Variants in ABI1 observed in about 807,000 individuals in gnomAD.
ABI1 encodes the protein abl interactor 1, also known as Abelson interactor 1.
In ABI1, 14 loss-of-function variants were observed where a neutral mutation model predicts 54.6. The ratio of observed to expected loss-of-function variants is 0.26; its 90% CI spans 0.17 to 0.40. The LOEUF is 0.40. Ranked by LOEUF, ABI1 falls within the 10% of genes least tolerant of loss-of-function variation. The pLI, the probability that ABI1 is intolerant of heterozygous loss-of-function variation, is 1.00. For synonymous variants in ABI1, 194 were observed against 209.3 expected, an observed-to-expected ratio of 0.93 and a Z score of 0.63; for missense variants, 443 against 598.3, an observed-to-expected ratio of 0.74 and a Z score of 2.71.
intron 1 of ABI1, among the ~76,000 whole-genome samples, chr10:26,832,283 T>TA (rs1168345135): frequency 1.3e-5 from 2 of 152,110 alleles, no homozygotes; most frequent in Admixed American, 6.6e-5. Flanking sequence ...AACGGCCTTT[T>TA]AAAAAATAAA....
chr10:26,842,676 T>G (rs1010298365), intron 1 of ABI1, among the ~76,000 whole-genome samples: 1 of 152,132 alleles, frequency 6.6e-6, no homozygotes, highest in African/African-American at 2.4e-5. Flanking sequence ...AATACAAAAA[T>G]CAGGGTTTTA....
At chr10:26,779,981 A>G (rs1841898290) in intron 2 of ABI1, among the ~76,000 whole-genome samples, 1 of 152,218 alleles carries the variant, frequency 6.6e-6, no homozygotes. Flanking sequence ...CTGCAGCCTT[A>G]GAAAACTCCA....
At chr10:26,849,746 T>C (rs569850240) in intron 1 of ABI1, among the ~76,000 whole-genome samples, 48 of 150,546 alleles carry the variant, frequency 3.2e-4, no homozygotes, top group African/African-American at 1.1e-3. Flanking sequence ...AATCCATCAA[T>C]GTGAACTTGC....
intron 1 of ABI1, among the ~76,000 whole-genome samples, chr10:26,846,735 C>G (rs145450417): frequency 2.0e-5 from 3 of 152,282 alleles, no homozygotes; most frequent in Non-Finnish European, 4.4e-5. Context: ...TCACAGATGA[C>G]TCTGTTTACT....
intron 2 of ABI1, among the ~76,000 whole-genome samples, chr10:26,782,370 A>AC (rs111372753): frequency 3.3e-5 from 5 of 149,772 alleles, no homozygotes; most frequent in Admixed American, 6.6e-5. Flanking sequence ...AACAACAACA[A>AC]AAAAAAAAAC....
intron 1 of ABI1, among the ~76,000 whole-genome samples, chr10:26,831,211 C>G (rs1415405470): frequency 6.6e-6 from 1 of 151,902 alleles, no homozygotes; most frequent in Non-Finnish European, 1.5e-5. Flanking sequence ...CTAATCCAAA[C>G]CTATACCCAA....
chr10:26,807,398 C>T (rs2046945247), intron 2 of ABI1, among the ~76,000 whole-genome samples: 1 of 152,042 alleles, frequency 6.6e-6, no homozygotes, highest in Non-Finnish European at 1.5e-5. Context: ...GGAGGCTTCA[C>T]CTGAGCCTAG....
rs776627510 is a variant in ABI1 at position 26,819,602 on chromosome 10, C to A, written c.285+3536G>T. 5.9e-5 allele frequency among the ~76,000 whole-genome samples: 9 copies of A among 152,142 alleles called. No individual in the cohort carries two copies. In the South Asian group the frequency reaches 6.2e-4, roughly 10 times the overall value. The stretch of plus-strand genomic sequence containing the variant: ...TTAATGAGATTTATAGACATTCCAC[C>A]TGACCAGAGAAAAATACACATTCTT... On this transcript the variant is annotated intron_variant, in intron 2 of 10. Transcript: ENST00000376140.
intron 8 of ABI1, among the ~76,000 whole-genome samples, chr10:26,758,689 G>A (rs1457155038): frequency 2.6e-5 from 4 of 152,150 alleles, no homozygotes; most frequent in African/African-American, 9.7e-5. Context: ...CAATGTTTGT[G>A]TCTTTAATTT....
At chr10:26,816,455 A>G (rs1236868511) in intron 2 of ABI1, among the ~76,000 whole-genome samples, 1 of 152,264 alleles carries the variant, frequency 6.6e-6, no homozygotes, top group Non-Finnish European at 1.5e-5. Context: ...ACTTTATGTT[A>G]AAGAAACTCT....
At chr10:26,820,127 T>C (rs1330259979) in intron 2 of ABI1, among the ~76,000 whole-genome samples, 1 of 152,184 alleles carries the variant, frequency 6.6e-6, no homozygotes, top group East Asian at 1.9e-4. Flanking sequence ...ATGATGACTA[T>C]AGTTAATAAT....
chr10:26,843,467 AAAAAAAAAAAAAAAAAAAAT>A (rs1267312548), intron 1 of ABI1, among the ~76,000 whole-genome samples: 4 of 82,290 alleles, frequency 4.9e-5, no homozygotes, highest in East Asian at 4.3e-4. Flanking sequence ...AAAAAAAAAA[AAAAAAAAAAAAAAAAAAAAT>A]ATATATATAT....
chr10:26,763,933 C>A lies in ABI1; in HGVS notation c.820+1285G>T, dbSNP rs1218257151. On this transcript the variant is annotated intron_variant, in intron 7 of 10. Transcript: ENST00000376140. ...TGCCAGAGGTGGTGCTGGTGGAGCT[C>A]CAGAAGGAGGAGGGACAGAAATGTT... 1.2e-6 allele frequency: 2 copies of A among 1,612,722 alleles called. No homozygotes were observed. Among genetic ancestry groups the A allele is most frequent in the East Asian group, 4.5e-5 (2 of 44,814 alleles).
In ABI1 at chr10:26,782,937, T is replaced by C. The variant is rs115292700; in HGVS notation, c.286-5696A>G. Reference sequence around the variant, plus strand: ...CATAGTATAGTGATTCCTCACAAAATTAAAAACAGAATTAGCACATAACCA... The same window carrying C: ...CATAGTATAGTGATTCCTCACAAAACTAAAAACAGAATTAGCACATAACCA... On this transcript the variant is annotated intron_variant, in intron 2 of 10. Transcript: ENST00000376140. Among the ~76,000 whole-genome samples the C allele has an allele frequency of 5.1e-3, 780 of 152,220 alleles. 6 individuals are homozygous for C. Among genetic ancestry groups the C allele is most frequent in the African/African-American group, 0.018 (732 of 41,524 alleles).
chr10:26,809,317 G>A (rs1052957566), intron 2 of ABI1, among the ~76,000 whole-genome samples: 7 of 151,584 alleles, frequency 4.6e-5, no homozygotes, highest in Non-Finnish European at 2.9e-5. Context: ...CTACACTTTG[G>A]GACACCAAGA....
At chr10:26,794,430 A>T (rs1242438054) in intron 2 of ABI1, among the ~76,000 whole-genome samples, 1 of 151,832 alleles carries the variant, frequency 6.6e-6, no homozygotes, top group Non-Finnish European at 1.5e-5. Context: ...AATAAGTAAA[A>T]TAAAATTCTC....
chr10:26,758,758 T>C (rs957595335), intron 8 of ABI1, among the ~76,000 whole-genome samples: 1 of 152,242 alleles, frequency 6.6e-6, no homozygotes, highest in African/African-American at 2.4e-5. Context: ...TGCAATGTTT[T>C]TGTTCTCTAG....
At chr10:26,781,289 C>G (rs1360030542) in intron 2 of ABI1, among the ~76,000 whole-genome samples, 3 of 152,250 alleles carry the variant, frequency 2.0e-5, no homozygotes, top group African/African-American at 4.8e-5. Flanking sequence ...CCTCTGTCAT[C>G]ACATGGAACT....
intron 2 of ABI1, among the ~76,000 whole-genome samples, chr10:26,794,304 C>T (rs538480606): frequency 1.3e-4 from 20 of 151,918 alleles, no homozygotes; most frequent in Non-Finnish European, 2.5e-4. Context: ...CCTGTAGTTC[C>T]AGCTACACAG....
Sources: gnomAD v4.1 joint callset for allele counts (sites outside exome capture counted in the v4.1 genomes callset) on GRCh38, gnomAD v4.1.1 for gene constraint, MANE v1.5 for transcripts, NCBI Gene and HGNC (gene_info 2026-07-23, HGNC 2026-07-21) for gene names.